The following MPZL3 variants were observed in gnomAD, a reference collection of about 807,000 sequenced individuals.
The protein encoded by MPZL3 is myelin protein zero-like protein 3.
A neutral mutation model predicts 24.8 loss-of-function variants in MPZL3; 23 were observed. The observed-to-expected ratio is 0.93, with a 90% CI of 0.67 to 1.31. The LOEUF is 1.31. Ranked by LOEUF, MPZL3 falls within the 40% of genes most tolerant of loss-of-function variation. The pLI, the probability that MPZL3 is intolerant of heterozygous loss-of-function variation, is 0.00. For synonymous variants in MPZL3, 99 were observed against 106.5 expected (o/e 0.93, Z 0.44); for missense variants, 277 against 294.9 (o/e 0.94, Z 0.44).
intron 1 of MPZL3, 34 bp downstream of exon 1, chr11:118,252,188 C>T (rs759431696): frequency 1.1e-5 from 18 of 1,611,080 alleles, no homozygotes; most frequent in Non-Finnish European, 4.2e-6. Context: ...AACCCCCCGG[C>T]CGGAAGTGGA....
intron 1 of MPZL3, among the ~76,000 whole-genome samples, chr11:118,250,168 A>ATTTTTTTTT (rs71041823): frequency 4.8e-5 from 5 of 104,248 alleles, no homozygotes; most frequent in African/African-American, 1.5e-4. Context: ...CACCTGGCTA[A>ATTTTTTTTT]TTTTTTTTTT....
intron 1 of MPZL3, among the ~76,000 whole-genome samples, chr11:118,246,514 G>A (rs1201869530): frequency 6.6e-6 from 1 of 151,466 alleles, no homozygotes; most frequent in Non-Finnish European, 1.5e-5. Flanking sequence ...GATCCAGGCA[G>A]GCAATGGAAG....
intron 1 of MPZL3, among the ~76,000 whole-genome samples, chr11:118,244,432 G>A (rs11216830): frequency 0.21 from 31,980 of 152,082 alleles, 3,452 homozygotes; most frequent in Middle Eastern, 0.28. Context: ...GGGGAGAGGA[G>A]AGTGGTTAAT....
chr11:118,235,332 G>C (rs1422794963), intron 4 of MPZL3, 92 bp downstream of exon 4: 1 of 1,411,134 alleles, frequency 7.1e-7, no homozygotes, highest in Non-Finnish European at 9.6e-7. Context: ...AACTAAACTC[G>C]GTCCAGAAGA....
intron 1 of MPZL3, among the ~76,000 whole-genome samples, chr11:118,241,786 T>C (rs1005323448): frequency 6.6e-6 from 1 of 152,210 alleles, no homozygotes; most frequent in African/African-American, 2.4e-5. Context: ...GACATTCCTT[T>C]TAAAAGGAGG....
chr11:118,233,415 A>G, intron 5 of MPZL3, 45 bp downstream of exon 5: 6 of 1,607,366 alleles, frequency 3.7e-6, no homozygotes, highest in Non-Finnish European at 5.1e-6. Flanking sequence ...GGTAAGCAGG[A>G]AAGTGGGACA....
In MPZL3 at chr11:118,227,475, T is replaced by C. The variant is rs1949285232; in HGVS notation, c.*2419A>G. ...CACTGCTTTGTGATCCTTCGAAGAA[T>C]AAAAAGCTGTAACCCAAATCTCAGT... On this transcript the variant is annotated 3_prime_UTR_variant, in exon 6 of 6. Coordinates refer to ENST00000278949, the MANE Select transcript of MPZL3 (RefSeq NM_198275.3). 1 of 152,174 alleles carries C rather than the reference T, an allele frequency of 6.6e-6. No homozygotes were observed. The highest frequency in any genetic ancestry group is 2.4e-5 in the African/African-American group (1 of 41,430). 9.4% of individuals were successfully genotyped at this position (152,174 alleles called of 1,614,324 possible).
chr11:118,252,300 C>A lies in MPZL3; in HGVS notation c.-6G>T, dbSNP rs1949631360. On this transcript the variant is annotated 5_prime_UTR_variant, in exon 1 of 6. Coordinates refer to ENST00000278949, the MANE Select transcript of MPZL3 (RefSeq NM_198275.3). ...GCTGCTCCTCTCTGCTGCATCCCGG[C>A]AGCTCTTCAGATGCTTGCACACCTT... The A allele has an allele frequency of 6.2e-7, 1 of 1,613,748 alleles. No homozygotes were observed. Among genetic ancestry groups the A allele is most frequent in the South Asian group, 1.1e-5 (1 of 91,084 alleles).
chr11:118,236,940 G>C lies in MPZL3; in HGVS notation c.451+110C>G. On this transcript the variant is annotated intron_variant, in intron 3 of 5. Transcript: ENST00000278949. ...AATTACTTCGATTCAATGATTTAATGACCCAACTGGCTTACAAAGATAGAC... is the reference window on the plus strand; with the variant it reads ...AATTACTTCGATTCAATGATTTAATCACCCAACTGGCTTACAAAGATAGAC... The C allele has an allele frequency of 4.6e-6, 4 of 870,588 alleles. No individual in the cohort carries two copies. The South Asian group carries it at 7.4e-5, about 16-fold the overall frequency. The allele number at this position is 870,588 out of a possible 1,614,324, so 53.9% of individuals were successfully genotyped here.
chr11:118,238,341 G>C (rs1272251650), intron 2 of MPZL3, among the ~76,000 whole-genome samples: 2 of 152,200 alleles, frequency 1.3e-5, no homozygotes, highest in East Asian at 3.9e-4. Context: ...TACCTGATAA[G>C]TACTCAGTGA....
chr11:118,237,715 G>A (rs773214276), intron 2 of MPZL3, among the ~76,000 whole-genome samples: 1 of 152,116 alleles, frequency 6.6e-6, no homozygotes, highest in Non-Finnish European at 1.5e-5. Context: ...GGGAAACTTT[G>A]TTCTAAAGTA....
rs775105610 is a variant in MPZL3 at position 118,237,100 on chromosome 11, G to T, written c.401C>A (p.Pro134Gln). Residue 134 changes from proline (P) to glutamine (Q), a missense_variant, in exon 3 of 6, where the codon CCA (proline) becomes CAA (glutamine). Coordinates refer to ENST00000278949, the MANE Select transcript of MPZL3 (RefSeq NM_198275.3). ...GTFSCAVKNP[P>Q]DVHHNIPMTE... Reference sequence around the variant, plus strand: ...CATGGGAATATTATGATGCACATCTGGGGGATTCTTCACAGCACAGCTGAA... The same window carrying T: ...CATGGGAATATTATGATGCACATCTTGGGGATTCTTCACAGCACAGCTGAA... 12 of 1,613,770 alleles carry T rather than the reference G, an allele frequency of 7.4e-6. No homozygotes were observed. The Middle Eastern group carries it at 6.6e-4, about 88-fold the overall frequency.
intron 5 of MPZL3, among the ~76,000 whole-genome samples, chr11:118,230,786 A>G (rs1000132067): frequency 5.3e-5 from 8 of 151,964 alleles, no homozygotes; most frequent in African/African-American, 1.9e-4. Context: ...GGATCCATCT[A>G]TTTGGCCTTC....
At chr11:118,239,105 G>A (rs893379165) in intron 2 of MPZL3, among the ~76,000 whole-genome samples, 1 of 152,198 alleles carries the variant, frequency 6.6e-6, no homozygotes, top group Non-Finnish European at 1.5e-5. Context: ...CAGCCTTGCA[G>A]AGAGCAGCAC....
chr11:118,233,504 C>T lies in MPZL3; in HGVS notation c.637G>A (p.Glu213Lys), dbSNP rs1949380692. 2 of 1,613,878 alleles carry T rather than the reference C, an allele frequency of 1.2e-6. No homozygotes were observed. The highest frequency in any genetic ancestry group is 1.7e-6 in the Non-Finnish European group (2 of 1,179,876). ...VSDDTDQEEE[E>K]ACMARLCVRC... ...ACACAAAGCCTCGCCATACACGCCT[C>T]TTCCTCCTCCTGATCAGTGCTGTAA... Residue 213 changes from glutamate (E) to lysine (K), a missense_variant, in exon 5 of 6, where the codon GAG (glutamate) becomes AAG (lysine). By Grantham distance (56) the Glu-to-Lys change is moderately conservative. Coordinates refer to ENST00000278949, the MANE Select transcript of MPZL3 (RefSeq NM_198275.3).
intron 4 of MPZL3, among the ~76,000 whole-genome samples, chr11:118,233,792 G>A (rs926450850): frequency 6.6e-6 from 1 of 152,118 alleles, no homozygotes; most frequent in East Asian, 1.9e-4. Context: ...TCAGGAGTTT[G>A]AGACCAGCCT....
At chr11:118,238,501 CAATAT>C (rs1371992581) in intron 2 of MPZL3, among the ~76,000 whole-genome samples, 2 of 152,180 alleles carry the variant, frequency 1.3e-5, no homozygotes, top group Non-Finnish European at 2.9e-5. Flanking sequence ...GCAGGTATTA[CAATAT>C]AATATGACTT....
intron 2 of MPZL3, among the ~76,000 whole-genome samples, chr11:118,239,662 C>T (rs531778520): frequency 6.6e-6 from 1 of 152,292 alleles, no homozygotes; most frequent in African/African-American, 2.4e-5. Flanking sequence ...CCATCTGTCA[C>T]CAACATCTGT....
intron 5 of MPZL3, among the ~76,000 whole-genome samples, chr11:118,232,748 CA>C (rs1003517291): frequency 6.6e-6 from 1 of 152,028 alleles, no homozygotes; most frequent in Non-Finnish European, 1.5e-5. Context: ...CAAAGAAAAA[CA>C]AAAAACACTG....
Sources: gnomAD v4.1 joint callset for allele counts (sites outside exome capture counted in the v4.1 genomes callset) on GRCh38, gnomAD v4.1.1 for gene constraint, MANE v1.5 for transcripts, NCBI Gene and HGNC (gene_info 2026-07-23, HGNC 2026-07-21) for gene names.